Variants in BICD1 observed in about 807,000 individuals in gnomAD.
BICD1 encodes the protein protein bicaudal D homolog 1.
A neutral mutation model predicts 92.5 loss-of-function variants in BICD1; 35 were observed. The ratio of observed to expected loss-of-function variants is 0.38; its 90% CI spans 0.29 to 0.50. BICD1 has a LOEUF of 0.50. Ranked by LOEUF, BICD1 falls within the 20% of genes least tolerant of loss-of-function variation. BICD1 has a pLI of 0.93. For synonymous variants in BICD1, 429 were observed against 465.1 expected, an observed-to-expected ratio of 0.92 and a Z score of 1.00; for missense variants, 950 against 1,189.8, an observed-to-expected ratio of 0.80 and a Z score of 2.97.
Position 32,383,245 on chromosome 12 carries a change from G to A in BICD1, c.*5618G>A, listed in dbSNP as rs1940246874. On this transcript the variant is annotated 3_prime_UTR_variant, in exon 10 of 10. Coordinates refer to ENST00000652176, the MANE Select transcript of BICD1 (RefSeq NM_001714.4). ...ATGATGTGAAGTGTTTCCACCTACT[G>A]ATAAATACCATATGAAAACACGACT... The A allele has an allele frequency of 6.6e-6, 1 of 152,080 alleles. No individual in the cohort carries two copies. Among genetic ancestry groups the A allele is most frequent in the African/African-American group, 2.4e-5 (1 of 41,436 alleles). 9.4% of individuals were successfully genotyped at this position (152,080 alleles called of 1,614,324 possible).
chr12:32,107,595 C>G, intron 1 of BICD1, 51 bp downstream of exon 1: 1 of 1,514,642 alleles, frequency 6.6e-7, no homozygotes, highest in Non-Finnish European at 8.9e-7. Context: ...CCCCCACCCG[C>G]AAGGCCCACT....
At chr12:32,131,278 T>A (rs1218853210) in intron 1 of BICD1, among the ~76,000 whole-genome samples, 2 of 152,192 alleles carry the variant, frequency 1.3e-5, no homozygotes, top group East Asian at 1.9e-4. Context: ...TTTAAAAAAA[T>A]TATTTTTCTG....
At chr12:32,349,426 A>G (rs1187514179) in intron 8 of BICD1, among the ~76,000 whole-genome samples, 1 of 152,178 alleles carries the variant, frequency 6.6e-6, no homozygotes, top group Non-Finnish European at 1.5e-5. Context: ...TCTCTAGGTT[A>G]ACCAACTACT....
At chr12:32,224,223 T>C (rs978516976) in intron 2 of BICD1, among the ~76,000 whole-genome samples, 1 of 152,168 alleles carries the variant, frequency 6.6e-6, no homozygotes, top group African/African-American at 2.4e-5. Context: ...CTGTCTCTCT[T>C]CTCCTCTCCA....
intron 2 of BICD1, among the ~76,000 whole-genome samples, chr12:32,283,780 T>C (rs1947482986): frequency 1.3e-5 from 2 of 152,184 alleles, no homozygotes; most frequent in South Asian, 4.1e-4. Flanking sequence ...GCAGATCACC[T>C]GTGTTGAGAA....
chr12:32,182,258 T>TTTTC (rs1238498614), intron 1 of BICD1, among the ~76,000 whole-genome samples: 23 of 146,176 alleles, frequency 1.6e-4, no homozygotes, highest in East Asian at 1.4e-3. Flanking sequence ...TTGTTTTCTT[T>TTTTC]TTTCTTTCTT....
intron 2 of BICD1, among the ~76,000 whole-genome samples, chr12:32,233,752 G>C (rs117689224): frequency 6.6e-6 from 1 of 152,154 alleles, no homozygotes; most frequent in Admixed American, 6.6e-5. Context: ...TGGTAGGCGG[G>C]CAAGTAATGC....
intron 2 of BICD1, among the ~76,000 whole-genome samples, chr12:32,289,790 C>A (rs58836617): frequency 0.12 from 18,710 of 152,200 alleles, 1,249 homozygotes; most frequent in East Asian, 0.21. Context: ...TAAATTCAGG[C>A]ATATTTGCTT....
At chr12:32,213,964 T>C (rs541738873) in intron 1 of BICD1, among the ~76,000 whole-genome samples, 19 of 152,360 alleles carry the variant, frequency 1.2e-4, no homozygotes, top group African/African-American at 4.1e-4. Flanking sequence ...TAAATGCTGA[T>C]ATATTTTATT....
intron 1 of BICD1, among the ~76,000 whole-genome samples, chr12:32,189,062 A>G (rs1944495831): frequency 6.6e-6 from 1 of 152,176 alleles, no homozygotes; most frequent in African/African-American, 2.4e-5. Flanking sequence ...TAATTAAAAT[A>G]TTTTCAAATT....
chr12:32,318,110 T>C (rs2136239193), intron 4 of BICD1, among the ~76,000 whole-genome samples: 1 of 151,894 alleles, frequency 6.6e-6, no homozygotes, highest in Admixed American at 6.5e-5. Context: ...TTTTGGTTAC[T>C]GTAGCCTTGT....
At chr12:32,209,144 A>G (rs1416801786) in intron 1 of BICD1, among the ~76,000 whole-genome samples, 1 of 152,192 alleles carries the variant, frequency 6.6e-6, no homozygotes, top group African/African-American at 2.4e-5. Flanking sequence ...TTTCAGTGGA[A>G]TAAGGATGAA....
chr12:32,275,392 C>T (rs1324470825), intron 2 of BICD1, among the ~76,000 whole-genome samples: 2 of 152,046 alleles, frequency 1.3e-5, no homozygotes, highest in East Asian at 3.9e-4. Context: ...GGGAGTGAGA[C>T]TTTTTTTAGT....
At chr12:32,325,303 CAGATACGT>C (rs1274906584) in intron 4 of BICD1, among the ~76,000 whole-genome samples, 8 of 152,186 alleles carry the variant, frequency 5.3e-5, no homozygotes. Context: ...AACTGAATAA[CAGATACGT>C]AGTAACCAAT....
At chr12:32,229,766 G>A (rs1945816426) in intron 2 of BICD1, among the ~76,000 whole-genome samples, 1 of 152,174 alleles carries the variant, frequency 6.6e-6, no homozygotes, top group South Asian at 2.1e-4. Context: ...GACGAGATGG[G>A]CTCACGTGCA....
intron 1 of BICD1, among the ~76,000 whole-genome samples, chr12:32,150,459 T>A (rs1419972343): frequency 2.1e-5 from 3 of 145,252 alleles, no homozygotes; most frequent in Non-Finnish European, 4.5e-5. Flanking sequence ...AGAAGCCCAA[T>A]CAATTTTAGA....
At chr12:32,250,703 AGGCGCAGT>A (rs1284372917) in intron 2 of BICD1, among the ~76,000 whole-genome samples, 14 of 152,170 alleles carry the variant, frequency 9.2e-5, no homozygotes, top group African/African-American at 3.4e-4. Flanking sequence ...GGATGAAGCC[AGGCGCAGT>A]GGCTCATGCC....
At chr12:32,177,710 T>TAAAA (rs1944137878) in intron 1 of BICD1, among the ~76,000 whole-genome samples, 2 of 134,398 alleles carry the variant, frequency 1.5e-5, no homozygotes, top group Non-Finnish European at 3.2e-5. Flanking sequence ...TTTAGTAGAG[T>TAAAA]ATAAATATAT....
At chr12:32,252,074 A>ATAAATATTATATAT (rs1565619317) in intron 2 of BICD1, among the ~76,000 whole-genome samples, 79 of 34,310 alleles carry the variant, frequency 2.3e-3, no homozygotes, top group African/African-American at 0.012. Context: ...TATATTTATA[A>ATAAATATTATATAT]TATATATTTA....
Sources: allele counts gnomAD v4.1 joint callset (sites outside exome capture counted in the v4.1 genomes callset), GRCh38; gene constraint gnomAD v4.1.1; transcripts MANE v1.5; gene names NCBI Gene and HGNC (gene_info 2026-07-23, HGNC 2026-07-21).